The following KIAA1217 variants were observed in gnomAD, a reference collection of about 807,000 sequenced individuals.
KIAA1217 encodes the protein sickle tail protein homolog.
A neutral mutation model predicts 163.9 loss-of-function variants in KIAA1217; 88 were observed. The ratio of observed to expected loss-of-function variants is 0.54; its 90% CI spans 0.45 to 0.64. The LOEUF is 0.64. Among genes scored for constraint, KIAA1217 ranks in the 30% least tolerant of loss-of-function variants. KIAA1217 has a pLI of 0.00. For synonymous variants in KIAA1217, 903 were observed against 923.1 expected (o/e 0.98, Z 0.39); for missense variants, 2,372 against 2,475.0 (o/e 0.96, Z 0.88).
intron 3 of KIAA1217, among the ~76,000 whole-genome samples, chr10:24,430,997 G>C (rs1564665184): frequency 6.6e-6 from 1 of 152,214 alleles, no homozygotes; most frequent in African/African-American, 2.4e-5. Flanking sequence ...TCTACCTTCA[G>C]AAGGGTTGGG....
intron 1 of KIAA1217, among the ~76,000 whole-genome samples, chr10:23,946,832 T>C (rs1844070601): frequency 6.6e-6 from 1 of 152,200 alleles, no homozygotes; most frequent in Non-Finnish European, 1.5e-5. Context: ...ATTCAAATAC[T>C]ATATGACATG....
At chr10:24,267,210 G>A (rs558336391) in intron 2 of KIAA1217, among the ~76,000 whole-genome samples, 4 of 152,186 alleles carry the variant, frequency 2.6e-5, no homozygotes, top group South Asian at 4.2e-4. Flanking sequence ...AATTTTATTA[G>A]GCATCTATTC....
intron 1 of KIAA1217, among the ~76,000 whole-genome samples, chr10:23,716,030 G>T (rs892156744): frequency 6.6e-6 from 1 of 152,156 alleles, no homozygotes; most frequent in African/African-American, 2.4e-5. Flanking sequence ...GCATGTTTCA[G>T]TCTTGAAAGG....
chr10:23,804,857 A>G (rs6482351), intron 1 of KIAA1217, among the ~76,000 whole-genome samples: 47,075 of 151,980 alleles, frequency 0.31, 8,345 homozygotes, highest in African/African-American at 0.48. Context: ...CTTAATATGC[A>G]CTCAATACTG....
intron 1 of KIAA1217, among the ~76,000 whole-genome samples, chr10:23,826,054 C>T (rs745740730): frequency 1.3e-5 from 2 of 152,172 alleles, no homozygotes; most frequent in African/African-American, 2.4e-5. Context: ...ATGTTAACCT[C>T]AGCCTCTGCA....
At chr10:23,725,310 G>A (rs1838075483) in intron 1 of KIAA1217, among the ~76,000 whole-genome samples, 1 of 152,190 alleles carries the variant, frequency 6.6e-6, no homozygotes, top group Non-Finnish European at 1.5e-5. Context: ...TGTGAGAAAA[G>A]TTTAAGTGGG....
At chr10:24,264,475 T>C (rs932269936) in intron 2 of KIAA1217, among the ~76,000 whole-genome samples, 1 of 151,894 alleles carries the variant, frequency 6.6e-6, no homozygotes, top group South Asian at 2.1e-4. Flanking sequence ...AAGACCAGCT[T>C]TAGAGTTTAA....
chr10:24,097,717 C>G (rs574471016), intron 2 of KIAA1217, among the ~76,000 whole-genome samples: 1 of 152,206 alleles, frequency 6.6e-6, no homozygotes, highest in African/African-American at 2.4e-5. Context: ...TTCCAAGTGG[C>G]CTAAAAAACA....
At chr10:23,993,984 T>C (rs1169593645) in intron 1 of KIAA1217, among the ~76,000 whole-genome samples, 1 of 152,164 alleles carries the variant, frequency 6.6e-6, no homozygotes, top group Non-Finnish European at 1.5e-5. Flanking sequence ...GAAACTGTCC[T>C]GAGGTTACAG....
chr10:24,511,280 C>T (rs150687645), intron 9 of KIAA1217, among the ~76,000 whole-genome samples: 2 of 151,948 alleles, frequency 1.3e-5, no homozygotes, highest in Admixed American at 6.6e-5. Flanking sequence ...GATTGCCCAG[C>T]GCCTGGAGAA....
chr10:23,967,003 A>C (rs1845092121), intron 1 of KIAA1217, among the ~76,000 whole-genome samples: 1 of 150,284 alleles, frequency 6.7e-6, no homozygotes, highest in Admixed American at 6.6e-5. Context: ...GTGTTATCAT[A>C]AAATTTTGAT....
At chr10:24,307,325 T>A (rs536330650) in intron 2 of KIAA1217, among the ~76,000 whole-genome samples, 3 of 152,228 alleles carry the variant, frequency 2.0e-5, no homozygotes, top group East Asian at 1.9e-4. Context: ...TGATAGTGGG[T>A]GTTATTAATC....
At chr10:24,090,227 C>T (rs2061877717) in intron 2 of KIAA1217, among the ~76,000 whole-genome samples, 1 of 137,312 alleles carries the variant, frequency 7.3e-6, no homozygotes. Context: ...AGTGCAGTGG[C>T]ATGATCGTGG....
At chr10:24,048,860 A>C (rs758582241) in intron 2 of KIAA1217, among the ~76,000 whole-genome samples, 34 of 151,752 alleles carry the variant, frequency 2.2e-4, no homozygotes, top group Non-Finnish European at 4.4e-4. Context: ...GTGAAACCCC[A>C]TCTCTACTAA....
intron 2 of KIAA1217, among the ~76,000 whole-genome samples, chr10:24,262,558 C>T (rs1442021280): frequency 3.3e-5 from 5 of 149,938 alleles, no homozygotes; most frequent in African/African-American, 7.4e-5. Context: ...ACCCAGGAGG[C>T]GGAGCTTGCA....
rs138161925 is a variant in KIAA1217 at position 23,758,740 on chromosome 10, G to A, written c.-321+63506G>A. Among the ~76,000 whole-genome samples, 935 of 135,918 alleles carry A rather than the reference G, an allele frequency of 6.9e-3. 14 individuals carry two copies. The highest frequency in any genetic ancestry group is 0.024 in the African/African-American group (866 of 36,300). The allele number at this position is 135,918 out of a possible 152,430, so 89.2% of individuals were successfully genotyped here. On this transcript the variant is annotated intron_variant, in intron 1 of 18. Coordinates refer to the KIAA1217 transcript ENST00000376462. The stretch of plus-strand genomic sequence containing the variant: ...TTGCTCTTATCACCCAGGCTGGAGT[G>A]TAATGGCGTGATCTTGGCTCATTGC...
chr10:24,167,284 CGTGTGTGTGTGTGTGTGT>C (rs35255558), intron 2 of KIAA1217, among the ~76,000 whole-genome samples: 3 of 148,218 alleles, frequency 2.0e-5, no homozygotes, highest in Non-Finnish European at 4.5e-5. Context: ...TGTGTATGTG[CGTGTGTGTGTGTGTGTGT>C]GTGTGTGTGT....
chr10:24,023,054 T>C (rs1847802145), intron 2 of KIAA1217, among the ~76,000 whole-genome samples: 1 of 151,698 alleles, frequency 6.6e-6, no homozygotes, highest in South Asian at 2.1e-4. Context: ...TTCAGCATTC[T>C]ACTAGTGAGC....
At chr10:24,375,176 C>G (rs2052306624) in intron 2 of KIAA1217, among the ~76,000 whole-genome samples, 1 of 152,144 alleles carries the variant, frequency 6.6e-6, no homozygotes, top group South Asian at 2.1e-4. Context: ...GGAAGAAGGC[C>G]TCAGCTGATG....
Sources: gnomAD v4.1 joint callset for allele counts (sites outside exome capture counted in the v4.1 genomes callset) on GRCh38, gnomAD v4.1.1 for gene constraint, MANE v1.5 for transcripts, NCBI Gene and HGNC (gene_info 2026-07-23, HGNC 2026-07-21) for gene names.